RBFOX1: variants seen among roughly 807,000 people sequenced by gnomAD.
RBFOX1 encodes the protein RNA binding protein fox-1 homolog 1.
In RBFOX1, 8 loss-of-function variants were observed where a neutral mutation model predicts 57.7. The ratio of observed to expected loss-of-function variants is 0.14; its 90% CI spans 0.08 to 0.25. The LOEUF (loss-of-function observed/expected upper bound fraction) is 0.25, where lower values mean the gene tolerates loss of function less well. RBFOX1 is among the 10% of genes least tolerant of loss of function. RBFOX1 has a pLI of 1.00. For missense variants in RBFOX1, 611 were observed against 548.5 expected (o/e 1.11, Z -1.14); for synonymous variants, 326 against 222.4 (o/e 1.47, Z -4.15).
At chr16:6,437,296 C>G (rs1480116226) in intron 2 of RBFOX1, among the ~76,000 whole-genome samples, 1 of 152,178 alleles carries the variant, frequency 6.6e-6, no homozygotes, top group South Asian at 2.1e-4. Flanking sequence ...TTAATTTAAG[C>G]TAAATGAATT....
chr16:6,073,024 G>A (rs1411046964), intron 1 of RBFOX1, among the ~76,000 whole-genome samples: 1 of 152,186 alleles, frequency 6.6e-6, no homozygotes, highest in Non-Finnish European at 1.5e-5. Context: ...TGAAAGGCTA[G>A]TGTATTTATG....
At chr16:6,021,216 A>G (rs1250572602) in intron 1 of RBFOX1, among the ~76,000 whole-genome samples, 3 of 152,026 alleles carry the variant, frequency 2.0e-5, no homozygotes, top group Non-Finnish European at 2.9e-5. Flanking sequence ...GTTTATTTTT[A>G]TTTTTAAACT....
intron 1 of RBFOX1, among the ~76,000 whole-genome samples, chr16:5,339,160 T>C (rs931394075): frequency 6.6e-6 from 1 of 152,116 alleles, no homozygotes; most frequent in African/African-American, 2.4e-5. Flanking sequence ...ATCTCCCCAG[T>C]CCCCATAAAC....
chr16:6,268,507 T>C (rs1430850869), intron 1 of RBFOX1, among the ~76,000 whole-genome samples: 1 of 152,206 alleles, frequency 6.6e-6, no homozygotes, highest in Non-Finnish European at 1.5e-5. Flanking sequence ...TGAATCAGAA[T>C]TGACAGAGAT....
At chr16:6,770,769 A>G (rs544851603) in intron 3 of RBFOX1, among the ~76,000 whole-genome samples, 1 of 152,288 alleles carries the variant, frequency 6.6e-6, no homozygotes, top group South Asian at 2.1e-4. Flanking sequence ...TTGTCTCCCC[A>G]GTTGGGAAGT....
In RBFOX1 at chr16:5,771,840, G is replaced by A. The variant is rs563462676; in HGVS notation, c.319-95463G>A. Reference sequence around the variant, plus strand: ...TTTGAAGTGATGACATAGTTATTTCGTGTGATAGTGTCAGTTCAATCAGTA... The same window carrying A: ...TTTGAAGTGATGACATAGTTATTTCATGTGATAGTGTCAGTTCAATCAGTA... On this transcript the variant is annotated intron_variant, in intron 3 of 19. Coordinates refer to the RBFOX1 transcript ENST00000641259. 2.2e-4 allele frequency among the ~76,000 whole-genome samples: 33 copies of A among 152,288 alleles called. No individual in the cohort carries two copies. The South Asian group carries it at 4.1e-3, about 19-fold the overall frequency.
chr16:5,756,271 T>C (rs1237106877), intron 3 of RBFOX1, among the ~76,000 whole-genome samples: 1 of 145,788 alleles, frequency 6.9e-6, no homozygotes, highest in Non-Finnish European at 1.5e-5. Flanking sequence ...TCCTGCAGTG[T>C]ATGGACATAT....
chr16:5,288,247 G>T (rs2063447718), intron 1 of RBFOX1, among the ~76,000 whole-genome samples: 1 of 152,170 alleles, frequency 6.6e-6, no homozygotes, highest in Admixed American at 6.5e-5. Flanking sequence ...TATATATATA[G>T]TCTTTTACAT....
At position 7,390,994 on chromosome 16, in the gene RBFOX1, G is replaced by A. The variant is rs923807173; in HGVS notation, c.28-127153G>A. The stretch of plus-strand genomic sequence containing the variant: ...ACAGGGAGTTTCCTGGAGGGTGTGG[G>A]GTCTTCCTTGCTGACCCTCGTGCTT... On this transcript the variant is annotated intron_variant, in intron 4 of 15. Coordinates refer to ENST00000550418, the MANE Select transcript of RBFOX1 (RefSeq NM_018723.4). 2.0e-5 allele frequency among the ~76,000 whole-genome samples: 3 copies of A among 152,046 alleles called. No individual in the cohort carries two copies. The East Asian group carries it at 5.8e-4, about 29-fold the overall frequency.
intron 3 of RBFOX1, among the ~76,000 whole-genome samples, chr16:6,887,308 C>T (rs901010399): frequency 1.3e-5 from 2 of 152,076 alleles, no homozygotes. Flanking sequence ...TTATAAAGGG[C>T]TTTGATGGTG....
chr16:5,906,597 G>T (rs978720784), intron 4 of RBFOX1, among the ~76,000 whole-genome samples: 1 of 152,076 alleles, frequency 6.6e-6, no homozygotes, highest in Admixed American at 6.6e-5. Flanking sequence ...TTGCAGGAAG[G>T]CTCTTTTTCA....
intron 4 of RBFOX1, among the ~76,000 whole-genome samples, chr16:5,889,489 C>T (rs894686164): frequency 1.3e-5 from 2 of 152,180 alleles, no homozygotes; most frequent in Non-Finnish European, 2.9e-5. Context: ...GGGTTGATTT[C>T]ATGTCTTTAC....
chr16:6,886,809 A>G (rs1254626925), intron 3 of RBFOX1, among the ~76,000 whole-genome samples: 1 of 152,070 alleles, frequency 6.6e-6, no homozygotes, highest in Admixed American at 6.6e-5. Context: ...AAAAAAAAGA[A>G]TGAAAATGTG....
chr16:5,512,487 T>C (rs547590668), intron 2 of RBFOX1, among the ~76,000 whole-genome samples: 37 of 152,160 alleles, frequency 2.4e-4, no homozygotes, highest in African/African-American at 8.9e-4. Flanking sequence ...GGAGGTGAGC[T>C]ATAGGGTGTT....
chr16:5,980,228 C>A (rs544248948), intron 4 of RBFOX1, among the ~76,000 whole-genome samples: 3 of 152,330 alleles, frequency 2.0e-5, no homozygotes, highest in African/African-American at 7.2e-5. Context: ...GTTTGCATCT[C>A]CCTTGGCTAA....
chr16:6,753,700 T>A (rs116918951), intron 3 of RBFOX1, among the ~76,000 whole-genome samples: 1,522 of 150,606 alleles, frequency 0.01, 18 homozygotes, highest in African/African-American at 0.032. Flanking sequence ...CGTGCCCTCC[T>A]CCTGTCTTGT....
At chr16:7,506,040 C>G (rs767113714) in intron 4 of RBFOX1, among the ~76,000 whole-genome samples, 1 of 151,674 alleles carries the variant, frequency 6.6e-6, no homozygotes, top group Non-Finnish European at 1.5e-5. Context: ...AAAAAGATAG[C>G]CGGGCATGGT....
At chr16:6,665,277 G>A (rs971881112) in intron 3 of RBFOX1, among the ~76,000 whole-genome samples, 1 of 152,094 alleles carries the variant, frequency 6.6e-6, no homozygotes, top group African/African-American at 2.4e-5. Context: ...AGCCACCCCA[G>A]CAGTGGGATG....
chr16:7,095,587 G>T (rs2061558757), intron 4 of RBFOX1, among the ~76,000 whole-genome samples: 1 of 152,192 alleles, frequency 6.6e-6, no homozygotes, highest in Non-Finnish European at 1.5e-5. Context: ...ACAAAGAAGG[G>T]TCTGAGCTTT....
Sources: allele counts gnomAD v4.1 joint callset (sites outside exome capture counted in the v4.1 genomes callset), GRCh38; gene constraint gnomAD v4.1.1; transcripts MANE v1.5; gene names NCBI Gene and HGNC (gene_info 2026-07-23, HGNC 2026-07-21).